Variants in MYPOP observed in about 807,000 individuals in gnomAD.
The protein encoded by MYPOP is Myb related transcription factor, partner of profilin.
In MYPOP, 21 loss-of-function variants were observed where a neutral mutation model predicts 25.7. That is an observed-to-expected ratio of 0.82 (90% CI 0.58 to 1.18). MYPOP has a LOEUF of 1.18. Among genes scored for constraint, MYPOP ranks in the 50% most tolerant of loss-of-function variants. MYPOP has a pLI of 0.00. For missense variants in MYPOP, 566 were observed against 588.3 expected, an observed-to-expected ratio of 0.96 and a Z score of 0.39; for synonymous variants, 280 against 247.9, an observed-to-expected ratio of 1.13 and a Z score of -1.22.
At position 45,901,272 on chromosome 19, in the gene MYPOP, C is replaced by T. The variant is rs1487634176; in HGVS notation, c.499+3G>A. The T allele has an allele frequency of 6.9e-7, 1 of 1,446,200 alleles. No individual in the cohort carries two copies. The highest frequency in any genetic ancestry group is 9.1e-7 in the Non-Finnish European group (1 of 1,100,486). 89.6% of individuals were successfully genotyped at this position (1,446,200 alleles called of 1,614,324 possible). ...GCACACAGCCTACTCTGAAGACACT[C>T]ACCTGCACGTCGGTCCTCCCGGCGG... On this transcript the variant is annotated splice_donor_region_variant and intron_variant, in intron 2 of 2. Transcript: ENST00000322217. The surrounding 1 kb of genome is among the most constrained non-coding windows in gnomAD (Gnocchi z 5.7).
intron 2 of MYPOP, among the ~76,000 whole-genome samples, chr19:45,896,312 A>G (rs996717234): frequency 1.5e-4 from 23 of 151,968 alleles, no homozygotes; most frequent in Non-Finnish European, 2.8e-4. Flanking sequence ...CAAGCAAACA[A>G]ATCAGCCACC....
chr19:45,890,882 G>C lies in MYPOP; in HGVS notation c.941C>G (p.Pro314Arg), dbSNP rs1319469025. The C allele has an allele frequency of 7.0e-7, 1 of 1,425,504 alleles. No homozygotes were observed. The highest frequency in any genetic ancestry group is 1.5e-5 in the African/African-American group (1 of 68,794). 88.3% of individuals were successfully genotyped at this position (1,425,504 alleles called of 1,614,324 possible). A position where few individuals can be genotyped will look rare whatever the true frequency, so the allele number is the denominator to read the frequency against. Residue 314 changes from proline to arginine, a missense_variant, in exon 3 of 3, where the codon CCA becomes CGA. Physicochemically the swap from Pro to Arg is moderately radical, Grantham distance 103. Coordinates refer to ENST00000322217, the MANE Select transcript of MYPOP (RefSeq NM_001012643.4). ...AGGCCTGGGAGGTGGCGGTGGGGGT[G>C]GGGGTGGGGGCAGAGGTGGAGGCAG... The part of the protein sequence containing the change: ...DSLPPPLPPP[P>R]PPPPPPRPVL...
chr19:45,895,963 GAAGA>G (rs1314239973), intron 2 of MYPOP, among the ~76,000 whole-genome samples: 1 of 151,632 alleles, frequency 6.6e-6, no homozygotes, highest in East Asian at 1.9e-4. Flanking sequence ...AAGAAAGAGA[GAAGA>G]TAGAGAAAAA....
Position 45,891,244 on chromosome 19 carries a change from G to A in MYPOP, c.579C>T (p.Gly193=). 1 of 1,548,168 alleles carries A rather than the reference G, an allele frequency of 6.5e-7. No homozygotes were observed. The highest frequency in any genetic ancestry group is 8.7e-7 in the Non-Finnish European group (1 of 1,152,708). The change falls in exon 3 of 3, where the codon GGC becomes GGT. Residue 193 remains glycine, a synonymous_variant. Transcript: ENST00000322217. ...ARPSCTPQEG[G]CPRPKERESP... The stretch of plus-strand genomic sequence containing the variant: ...ACTCACGCTCCTTGGGCCGTGGGCA[G>A]CCCCCTTCCTGGGGAGTGCAGGAGG...
intron 2 of MYPOP, among the ~76,000 whole-genome samples, chr19:45,898,038 C>T (rs1370523568): frequency 6.6e-6 from 1 of 152,078 alleles, no homozygotes; most frequent in East Asian, 1.9e-4. Context: ...ATTCTCCAGC[C>T]TCAGCCTCCT....
rs1323725339 is a variant in MYPOP at position 45,899,139 on chromosome 19, T to C, written c.499+2136A>G. ...TACTCGGGAGGATGAGGCAGGAGAA[T>C]TGCTTGAACCTGGGAGGCGGAGGTT... On this transcript the variant is annotated intron_variant, in intron 2 of 2. Coordinates refer to ENST00000322217, the MANE Select transcript of MYPOP (RefSeq NM_001012643.4). Among the ~76,000 whole-genome samples the C allele has an allele frequency of 2.0e-5, 3 of 152,180 alleles. No individual in the cohort carries two copies. In the East Asian group the frequency reaches 5.8e-4, roughly 29 times the overall value.
At position 45,901,194 on chromosome 19, in the gene MYPOP, C is replaced by G. The variant is rs1967283285; in HGVS notation, c.499+81G>C. On this transcript the variant is annotated intron_variant, in intron 2 of 2. Transcript: ENST00000322217. This position sits in a 1 kb window ranked among gnomAD's most constrained non-coding sequence, Gnocchi z 5.7. ...GGGGCGAAGGACAGCATCCACCTCA[C>G]AGGGCTGCAGCAAGGCTTTGATGAG... The G allele has an allele frequency of 7.7e-7, 1 of 1,291,798 alleles. No homozygotes were observed. The allele number at this position is 1,291,798 out of a possible 1,614,324, so 80.0% of individuals were successfully genotyped here. A position where few individuals can be genotyped will look rare whatever the true frequency, so the allele number is the denominator to read the frequency against.
chr19:45,891,426 A>C, intron 2 of MYPOP, 103 bp from the exon 3 acceptor site: 1 of 1,324,892 alleles, frequency 7.5e-7, no homozygotes, highest in Non-Finnish European at 9.8e-7. Context: ...CGAACCCAGA[A>C]CTATCCTTCT....
chr19:45,896,297 ACAAG>A (rs200218851), intron 2 of MYPOP, among the ~76,000 whole-genome samples: 1,786 of 152,224 alleles, frequency 0.012, 101 homozygotes, highest in Admixed American at 0.11. Flanking sequence ...TCAAAAACAA[ACAAG>A]CAAGCAAACA....
Position 45,890,960 on chromosome 19 carries a change from C to T in MYPOP, c.863G>A (p.Ser288Asn), listed in dbSNP as rs867571620. ...GGGCAGCAGAGCGCTGAGGGCCTCG[C>T]TCAGTTTGGCCAGTCCCTGTCGAAG... ...GTLRQGLAKL[S>N]EALSALLPLL... is the part of the protein sequence containing the mutation. The change falls in exon 3 of 3, where the codon AGC becomes AAC. Residue 288 changes from serine to asparagine, a missense_variant. Physicochemically the swap from Ser to Asn is conservative, Grantham distance 46. Coordinates refer to ENST00000322217, the MANE Select transcript of MYPOP (RefSeq NM_001012643.4). 1.4e-6 allele frequency: 2 copies of T among 1,479,962 alleles called. No individual in the cohort carries two copies. The highest frequency in any genetic ancestry group is 1.8e-6 in the Non-Finnish European group (2 of 1,112,376). 91.7% of individuals were successfully genotyped at this position (1,479,962 alleles called of 1,614,324 possible). A position where few individuals can be genotyped will look rare whatever the true frequency, so the allele number is the denominator to read the frequency against.
In MYPOP at chr19:45,891,818, G is replaced by A. The variant is rs182854747; in HGVS notation, c.500-495C>T. 2.0e-5 allele frequency among the ~76,000 whole-genome samples: 3 copies of A among 152,244 alleles called. No homozygotes were observed. In the East Asian group the frequency reaches 5.8e-4, roughly 29 times the overall value. ...TGGCAGGCCAGTCTTTGTACCCGGA[G>A]GAGAAAAAGTCCTGCCAGCTTTAGT... On this transcript the variant is annotated intron_variant, in intron 2 of 2. Coordinates refer to ENST00000322217, the MANE Select transcript of MYPOP (RefSeq NM_001012643.4).
In MYPOP at chr19:45,895,743, AG is replaced by A. The variant is rs1434725878; in HGVS notation, c.500-4421del. 2.0e-5 allele frequency among the ~76,000 whole-genome samples: 3 copies of A among 152,152 alleles called. No individual in the cohort carries two copies. In the East Asian group the frequency reaches 5.8e-4, roughly 29 times the overall value. On this transcript the variant is annotated intron_variant, in intron 2 of 2. Transcript: ENST00000322217. ...CCCCAGAGTGCCCAGCACCCACAGG[AG>A]AAAGTCCAGCCTCTTCCCACGGCTA...
At chr19:45,891,968 G>A (rs1600564741) in intron 2 of MYPOP, among the ~76,000 whole-genome samples, 1 of 151,846 alleles carries the variant, frequency 6.6e-6, no homozygotes, top group Non-Finnish European at 1.5e-5. Context: ...AGCCTAGGCT[G>A]GAGTGCAGTG....
Position 45,891,100 on chromosome 19 carries a change from A to C in MYPOP, c.723T>G (p.Pro241=), listed in dbSNP as rs949570758. 1.3e-4 allele frequency: 25 copies of C among 191,672 alleles called. No homozygotes were observed. The highest frequency in any genetic ancestry group is 1.6e-4 in the Non-Finnish European group (23 of 143,214). The allele number at this position is 191,672 out of a possible 1,614,324, so 11.9% of individuals were successfully genotyped here. ...PPLAQVAPSP[P]SPPPPPRPPP... Reference sequence around the variant, plus strand: ...GAGGCCGAGGAGGGGGTGGGGGGCTAGGGGGTGAGGGTGCCACTTGGGCCA... The same window carrying C: ...GAGGCCGAGGAGGGGGTGGGGGGCTCGGGGGTGAGGGTGCCACTTGGGCCA... Residue 241 remains proline, a synonymous_variant, in exon 3 of 3, where the codon CCT becomes CCG. Transcript: ENST00000322217.
chr19:45,894,028 A>G (rs2146376909), intron 2 of MYPOP, among the ~76,000 whole-genome samples: 1 of 151,534 alleles, frequency 6.6e-6, no homozygotes, highest in African/African-American at 2.4e-5. Context: ...TGACCTCGTG[A>G]TCTGCCCACC....
At chr19:45,896,182 T>C (rs1967201780) in intron 2 of MYPOP, among the ~76,000 whole-genome samples, 1 of 152,044 alleles carries the variant, frequency 6.6e-6, no homozygotes, top group Non-Finnish European at 1.5e-5. Context: ...TCCCAGCTAC[T>C]TGGGAGGCTG....
chr19:45,890,503 G>C lies in MYPOP; in HGVS notation c.*120C>G. 1 of 1,480,188 alleles carries C rather than the reference G, an allele frequency of 6.8e-7. No homozygotes were observed. The highest frequency in any genetic ancestry group is 1.3e-5 in the South Asian group (1 of 75,378). The allele number at this position is 1,480,188 out of a possible 1,614,324, so 91.7% of individuals were successfully genotyped here. A position where few individuals can be genotyped will look rare whatever the true frequency, so the allele number is the denominator to read the frequency against. ...CAGGCACTAACTAGCACAGGGAGTGGGTGCTCACATCCCTGGAGCAGGGAG... is the reference window on the plus strand; with the variant it reads ...CAGGCACTAACTAGCACAGGGAGTGCGTGCTCACATCCCTGGAGCAGGGAG... On this transcript the variant is annotated 3_prime_UTR_variant, in exon 3 of 3. Transcript: ENST00000322217.
At chr19:45,894,710 TTTTTTTC>T (rs1209404499) in intron 2 of MYPOP, among the ~76,000 whole-genome samples, 6 of 149,560 alleles carry the variant, frequency 4.0e-5, no homozygotes, top group African/African-American at 7.3e-5. Flanking sequence ...TATATATACA[TTTTTTTC>T]TTTTTTCTTT....
intron 2 of MYPOP, among the ~76,000 whole-genome samples, chr19:45,900,789 T>C (rs1967277326): frequency 6.6e-6 from 1 of 152,186 alleles, no homozygotes. Flanking sequence ...GATGATTCTA[T>C]CAAGAACTAA....
Sources: allele counts gnomAD v4.1 joint callset (sites outside exome capture counted in the v4.1 genomes callset), GRCh38; gene constraint gnomAD v4.1.1; non-coding constraint Gnocchi (gnomAD v3.1); transcripts MANE v1.5; gene names NCBI Gene and HGNC (gene_info 2026-07-23, HGNC 2026-07-21).